The following ADGRL3 variants were observed in gnomAD, a reference collection of about 807,000 sequenced individuals.
ADGRL3 encodes adhesion G protein-coupled receptor L3.
In ADGRL3, 62 loss-of-function variants were observed where a neutral mutation model predicts 153.5. The observed-to-expected ratio is 0.40, with a 90% CI of 0.33 to 0.50. The LOEUF is 0.50. Ranked by LOEUF, ADGRL3 falls within the 20% of genes least tolerant of loss-of-function variation. The pLI, the probability that ADGRL3 is intolerant of heterozygous loss-of-function variation, is 0.47. For synonymous variants in ADGRL3, 710 were observed against 672.5 expected, an observed-to-expected ratio of 1.06 and a Z score of -0.86; for missense variants, 1,641 against 1,859.4, an observed-to-expected ratio of 0.88 and a Z score of 2.16.
intron 2 of ADGRL3, among the ~76,000 whole-genome samples, chr4:61,484,298 A>G (rs138472034): frequency 2.6e-4 from 39 of 152,238 alleles, no homozygotes; most frequent in Middle Eastern, 6.8e-3. Flanking sequence ...TTGACTACCA[A>G]TTAAAACCCT....
chr4:61,333,953 C>T (rs918132058), intron 1 of ADGRL3, among the ~76,000 whole-genome samples: 2 of 150,692 alleles, frequency 1.3e-5, no homozygotes, highest in Admixed American at 1.3e-4. Context: ...TCTCTTTCTG[C>T]CACCCAGGCT....
intron 5 of ADGRL3, among the ~76,000 whole-genome samples, chr4:61,668,552 A>G (rs2094882093): frequency 6.6e-6 from 1 of 152,202 alleles, no homozygotes; most frequent in African/African-American, 2.4e-5. Flanking sequence ...TATTTCTTTA[A>G]GGTAAAGGAA....
At chr4:61,681,620 T>C (rs1224587425) in intron 6 of ADGRL3, among the ~76,000 whole-genome samples, 1 of 152,090 alleles carries the variant, frequency 6.6e-6, no homozygotes, top group Non-Finnish European at 1.5e-5. Context: ...AAAATGAGCA[T>C]TATTGGAAGA....
chr4:61,422,802 A>C (rs1199086676), intron 2 of ADGRL3, among the ~76,000 whole-genome samples: 1 of 151,396 alleles, frequency 6.6e-6, no homozygotes, highest in Non-Finnish European at 1.5e-5. Flanking sequence ...AATATATATA[A>C]ATAGATAAAA....
intron 13 of ADGRL3, among the ~76,000 whole-genome samples, chr4:61,929,321 A>T (rs1358692736): frequency 6.6e-6 from 1 of 152,162 alleles, no homozygotes; most frequent in African/African-American, 2.4e-5. Flanking sequence ...CTCAGCTTCC[A>T]GAACTGTGAG....
At position 62,070,826 on chromosome 4, in the gene ADGRL3, G is replaced by C; in HGVS notation, c.4550G>C (p.Gly1517Ala). The C allele has an allele frequency of 6.4e-7, 1 of 1,551,662 alleles. No individual in the cohort carries two copies. The stretch of plus-strand genomic sequence containing the variant: ...CAGCTAGGTCGCGGCAGCAGTGATG[G>C]ATTTATAGTTCCTCCAAACAAAGAT... ...YYQLGRGSSD[G>A]FIVPPNKDGT... The change falls in exon 27 of 27, where the codon GGA (glycine) becomes GCA (alanine). Residue 1517 changes from glycine (G) to alanine (A), a missense_variant. Gly to Ala is a moderately conservative substitution (Grantham distance 60, BLOSUM62 0). Around this residue, in one of 5 missense-constraint regions of ADGRL3, gnomAD observed 517 missense variants for 555.0 expected, o/e 0.93. Coordinates refer to ENST00000683033, the MANE Select transcript of ADGRL3 (RefSeq NM_001387552.1).
intron 8 of ADGRL3, among the ~76,000 whole-genome samples, chr4:61,776,428 A>G (rs2097152418): frequency 6.6e-6 from 1 of 152,202 alleles, no homozygotes; most frequent in Admixed American, 6.5e-5. Context: ...TTCAGGACAG[A>G]ATTCACATAA....
At chr4:61,413,340 C>T (rs1323536725) in intron 2 of ADGRL3, among the ~76,000 whole-genome samples, 1 of 152,092 alleles carries the variant, frequency 6.6e-6, no homozygotes, top group African/African-American at 2.4e-5. Flanking sequence ...CCTCTGTTTA[C>T]ACCAGCATCT....
chr4:61,502,840 G>C (rs1285461153), intron 3 of ADGRL3, among the ~76,000 whole-genome samples: 1 of 152,140 alleles, frequency 6.6e-6, no homozygotes, highest in Non-Finnish European at 1.5e-5. Context: ...GAAAGAGTCA[G>C]GTTGACTTCT....
chr4:62,062,875 A>G (rs1740940352), intron 25 of ADGRL3, among the ~76,000 whole-genome samples: 3 of 152,110 alleles, frequency 2.0e-5, no homozygotes, highest in African/African-American at 2.4e-5. Flanking sequence ...TCAGATTTGT[A>G]AGATCACCAA....
At chr4:61,774,082 C>T (rs1230819988) in intron 8 of ADGRL3, among the ~76,000 whole-genome samples, 1 of 152,094 alleles carries the variant, frequency 6.6e-6, no homozygotes, top group African/African-American at 2.4e-5. Context: ...ACAGGCCGGG[C>T]ATGGTGCCTC....
At chr4:61,442,441 G>A (rs1197858016) in intron 2 of ADGRL3, among the ~76,000 whole-genome samples, 1 of 152,118 alleles carries the variant, frequency 6.6e-6, no homozygotes, top group Non-Finnish European at 1.5e-5. Context: ...AAGTAAAGAG[G>A]TGACAATCAT....
intron 9 of ADGRL3, among the ~76,000 whole-genome samples, chr4:61,880,199 A>G (rs2098501176): frequency 6.6e-6 from 1 of 152,204 alleles, no homozygotes; most frequent in Middle Eastern, 3.2e-3. Flanking sequence ...ATCCATATTT[A>G]AAAATACATT....
intron 4 of ADGRL3, among the ~76,000 whole-genome samples, chr4:61,544,333 G>T (rs2098703919): frequency 6.6e-6 from 1 of 152,166 alleles, no homozygotes; most frequent in Admixed American, 6.5e-5. Flanking sequence ...TAAAGAGAAT[G>T]AACTTTTCTT....
intron 8 of ADGRL3, among the ~76,000 whole-genome samples, chr4:61,813,608 C>T (rs1021637193): frequency 6.6e-6 from 1 of 152,000 alleles, no homozygotes; most frequent in African/African-American, 2.4e-5. Flanking sequence ...AGAAACATAA[C>T]TCAGATTGTT....
chr4:61,448,867 A>G (rs942178564), intron 2 of ADGRL3, among the ~76,000 whole-genome samples: 1 of 3,200 alleles, frequency 3.1e-4, no homozygotes, highest in African/African-American at 3.7e-4. Flanking sequence ...GGAGGGAAGG[A>G]AGGAAGGAAA....
intron 4 of ADGRL3, among the ~76,000 whole-genome samples, chr4:61,563,970 T>C (rs916095866): frequency 1.1e-4 from 16 of 152,018 alleles, no homozygotes; most frequent in South Asian, 2.1e-4. Context: ...GATGGCACCA[T>C]TGGACTCCAG....
At chr4:61,551,121 G>C (rs1313958936) in intron 4 of ADGRL3, among the ~76,000 whole-genome samples, 1 of 152,010 alleles carries the variant, frequency 6.6e-6, no homozygotes, top group Non-Finnish European at 1.5e-5. Flanking sequence ...CTGATCCAAG[G>C]GTGACTGTGA....
intron 17 of ADGRL3, among the ~76,000 whole-genome samples, chr4:61,963,816 T>C (rs1485122417): frequency 1.3e-5 from 2 of 152,254 alleles, no homozygotes; most frequent in African/African-American, 2.4e-5. Flanking sequence ...GCAAATAAAA[T>C]TGGCTAAAAA....
Sources: gnomAD v4.1 joint callset for allele counts (sites outside exome capture counted in the v4.1 genomes callset) on GRCh38, gnomAD v4.1.1 for gene constraint, gnomAD v4.1.1 regional missense constraint, MANE v1.5 for transcripts, NCBI Gene and HGNC (gene_info 2026-07-23, HGNC 2026-07-21) for gene names.